Variants in PLEKHA5 observed in about 807,000 individuals in gnomAD.
The protein encoded by PLEKHA5 is pleckstrin homology domain-containing family A member 5.
PLEKHA5 carries 55 observed loss-of-function variants against 181.9 expected under a neutral mutation model. The ratio of observed to expected loss-of-function variants is 0.30; its 90% CI spans 0.24 to 0.38. PLEKHA5 has a LOEUF of 0.38. Ranked by LOEUF, PLEKHA5 falls within the 10% of genes least tolerant of loss-of-function variation. The pLI, the probability that PLEKHA5 is intolerant of heterozygous loss-of-function variation, is 1.00. For synonymous variants in PLEKHA5, 535 were observed against 529.4 expected, an observed-to-expected ratio of 1.01 and a Z score of -0.15; for missense variants, 1,432 against 1,549.5, an observed-to-expected ratio of 0.92 and a Z score of 1.27.
intron 3 of PLEKHA5, among the ~76,000 whole-genome samples, chr12:19,167,873 C>G (rs149914622): frequency 2.6e-5 from 4 of 152,178 alleles, no homozygotes; most frequent in Admixed American, 6.5e-5. Context: ...CATTGGGTGG[C>G]TGGAGGTTTT....
intron 3 of PLEKHA5, among the ~76,000 whole-genome samples, chr12:19,252,861 C>T (rs562957445): frequency 1.3e-5 from 2 of 151,580 alleles, no homozygotes; most frequent in South Asian, 4.2e-4. Context: ...GTACTGGTGC[C>T]CATATAGTAG....
intron 13 of PLEKHA5, among the ~76,000 whole-genome samples, chr12:19,289,973 C>T (rs1245697813): frequency 1.3e-5 from 2 of 151,758 alleles, no homozygotes; most frequent in Admixed American, 6.6e-5. Flanking sequence ...GATGGAGTCT[C>T]GCCGTGTCGC....
chr12:19,346,861 T>C, intron 23 of PLEKHA5, 133 bp from the exon 24 acceptor site: 2 of 547,666 alleles, frequency 3.7e-6, no homozygotes, highest in South Asian at 4.9e-5. Flanking sequence ...CTTTTCATTA[T>C]TAGACTTTTG....
chr12:19,261,785 A>T (rs955638362), intron 7 of PLEKHA5, among the ~76,000 whole-genome samples: 2 of 152,252 alleles, frequency 1.3e-5, no homozygotes, highest in East Asian at 3.8e-4. Context: ...TATAAGATAT[A>T]ACAGAGTTTT....
At chr12:19,245,736 A>G (rs994880387) in intron 3 of PLEKHA5, among the ~76,000 whole-genome samples, 1 of 150,498 alleles carries the variant, frequency 6.6e-6, no homozygotes, top group Non-Finnish European at 1.5e-5. Context: ...AAAAAAAAAA[A>G]AAAAAAAAAA....
At chr12:19,173,891 A>G (rs1205289155) in intron 3 of PLEKHA5, among the ~76,000 whole-genome samples, 1 of 152,202 alleles carries the variant, frequency 6.6e-6, no homozygotes, top group Non-Finnish European at 1.5e-5. Flanking sequence ...GGTTTTAAGT[A>G]TTGGAATTAG....
chr12:19,287,607 G>A (rs374320415), intron 13 of PLEKHA5, 51 bp downstream of exon 13: 17 of 994,440 alleles, frequency 1.7e-5, no homozygotes, highest in Non-Finnish European at 2.7e-5. Flanking sequence ...GTGCTGCACA[G>A]GAAGGTACAT....
chr12:19,140,292 GA>G (rs796954099), intron 3 of PLEKHA5, among the ~76,000 whole-genome samples: 44 of 152,272 alleles, frequency 2.9e-4, no homozygotes, highest in African/African-American at 1.0e-3. Context: ...AGAAAACAAG[GA>G]AATATATTAC....
intron 3 of PLEKHA5, among the ~76,000 whole-genome samples, chr12:19,187,128 G>A (rs900059510): frequency 2.0e-5 from 3 of 152,162 alleles, no homozygotes; most frequent in Admixed American, 2.0e-4. Context: ...TTAGAAACAA[G>A]TTAACATATG....
At chr12:19,149,785 T>A (rs2039938833) in intron 3 of PLEKHA5, 1 of 152,176 alleles carries the variant, frequency 6.6e-6, no homozygotes, top group Non-Finnish European at 1.5e-5. Flanking sequence ...CTGTGATTGA[T>A]GAAGACAGGC....
chr12:19,325,697 A>C (rs2091940915), intron 20 of PLEKHA5, among the ~76,000 whole-genome samples: 1 of 150,010 alleles, frequency 6.7e-6, no homozygotes, highest in Non-Finnish European at 1.5e-5. Context: ...CAAAAAAAAA[A>C]AAATAGTAAT....
intron 18 of PLEKHA5, among the ~76,000 whole-genome samples, chr12:19,321,906 TTGTACTTTCA>T (rs1369988631): frequency 2.0e-5 from 3 of 152,158 alleles, no homozygotes; most frequent in Non-Finnish European, 4.4e-5. Context: ...GAATACTTTC[TTGTACTTTCA>T]TAATTAAGAA....
intron 10 of PLEKHA5, among the ~76,000 whole-genome samples, chr12:19,270,644 C>G (rs1565545496): frequency 6.6e-6 from 1 of 152,252 alleles, no homozygotes; most frequent in East Asian, 1.9e-4. Flanking sequence ...ATCTGATTCT[C>G]AGACTACATA....
rs1348594185 is a variant in PLEKHA5, at chr12:19,357,886, C to T, written c.3139-342C>T. 2.0e-5 allele frequency among the ~76,000 whole-genome samples: 3 copies of T among 151,980 alleles called. No homozygotes were observed. In the East Asian group the frequency reaches 5.8e-4, roughly 29 times the overall value. ...AACTCCTGGGCTCAAGTAATCCACC[C>T]ACCTCAGGGTCCCAAAGTGCTGGGA... On this transcript the variant is annotated intron_variant, in intron 26 of 31. Transcript: ENST00000429027.
Position 19,361,631 on chromosome 12 carries a change from C to A in PLEKHA5, c.3533C>A (p.Pro1178Gln). Reference sequence around the variant, plus strand: ...TATGAAATGCTTTTTGAACCTGAGCCAAATGGAGTAAATTCTGTGGAAATG... The same window carrying A: ...TATGAAATGCTTTTTGAACCTGAGCAAAATGGAGTAAATTCTGTGGAAATG... Reference protein sequence around the residue: ...ISYEMLFEPEPNGVNSVEMMD... With the variant: ...ISYEMLFEPEQNGVNSVEMMD... The change falls in exon 29 of 32, where the codon CCA (proline) becomes CAA (glutamine). Residue 1178 changes from proline to glutamine, a missense_variant. This residue lies in a region of PLEKHA5 where 1,143 missense variants were observed against 1,168.4 expected (regional missense o/e 0.98). Transcript: ENST00000429027. 1.3e-6 allele frequency: 2 copies of A among 1,568,116 alleles called. No individual in the cohort carries two copies. Among genetic ancestry groups the A allele is most frequent in the African/African-American group, 1.4e-5 (1 of 73,802 alleles).
intron 7 of PLEKHA5, among the ~76,000 whole-genome samples, chr12:19,263,716 C>T (rs1030066326): frequency 2.0e-5 from 3 of 152,136 alleles, no homozygotes; most frequent in Non-Finnish European, 1.5e-5. Flanking sequence ...AGCTCATCTT[C>T]CCTACGAAGC....
intron 15 of PLEKHA5, chr12:19,306,736 C>G: frequency 1.7e-6 from 2 of 1,204,904 alleles, no homozygotes; most frequent in Non-Finnish European, 2.5e-6. Context: ...ACACCTCTTC[C>G]CGCCGGATAA....
intron 15 of PLEKHA5, among the ~76,000 whole-genome samples, chr12:19,293,895 A>G (rs533676413): frequency 6.6e-6 from 1 of 152,248 alleles, no homozygotes; most frequent in South Asian, 2.1e-4. Flanking sequence ...GCTTTGTTGA[A>G]CCTTTTCTAC....
At chr12:19,303,995 G>A (rs183621598) in intron 15 of PLEKHA5, among the ~76,000 whole-genome samples, 2 of 135,644 alleles carry the variant, frequency 1.5e-5, no homozygotes, top group African/African-American at 6.0e-5. Flanking sequence ...TTTTGTAGAG[G>A]GGGGGGTTTC....
Sources: allele counts gnomAD v4.1 joint callset (sites outside exome capture counted in the v4.1 genomes callset), GRCh38; gene constraint gnomAD v4.1.1; regional missense constraint gnomAD v4.1.1; transcripts MANE v1.5; gene names NCBI Gene and HGNC (gene_info 2026-07-23, HGNC 2026-07-21).